The following ABCA13 variants were observed in gnomAD, a reference collection of about 807,000 sequenced individuals.
ABCA13 encodes ATP binding cassette subfamily A member 13.
Under a neutral mutation model 478.7 loss-of-function variants are expected in ABCA13, and 476 were observed. That is an observed-to-expected ratio of 0.99 (90% CI 0.92 to 1.07). The LOEUF is 1.07. Ranked by LOEUF, ABCA13 falls within the 50% of genes least tolerant of loss-of-function variation. The probability of loss-of-function intolerance (pLI) is 0.00; values close to 1 mark genes in which losing one functional copy is unlikely to be tolerated. For synonymous variants in ABCA13, 2,252 were observed against 2,158.9 expected (o/e 1.04, Z -1.20); for missense variants, 6,060 against 5,910.6 (o/e 1.03, Z -0.83).
At position 48,278,866 on chromosome 7, in the gene ABCA13, C is replaced by T. The variant is rs1306506692; in HGVS notation, c.7672C>T (p.Leu2558=). 16 of 1,613,456 alleles carry T rather than the reference C, an allele frequency of 9.9e-6. No homozygotes were observed. The highest frequency in any genetic ancestry group is 1.4e-5 in the Non-Finnish European group (16 of 1,179,856). ...TKDSVKFFDT[L]YSIMQQSVQN... ...GGACAGTGTGAAATTCTTTGACACT[C>T]TGTATTCCATCATGCAACAAAGTGT... The change falls in exon 18 of 62, where the codon CTG becomes TTG. Residue 2558 remains leucine (L), a synonymous_variant. Transcript: ENST00000435803.
At chr7:48,446,398 A>G (rs968053908) in intron 42 of ABCA13, among the ~76,000 whole-genome samples, 19 of 151,718 alleles carry the variant, frequency 1.3e-4, no homozygotes, top group Non-Finnish European at 2.2e-4. Context: ...AAAAAAAAAA[A>G]AAAAAAAGAA....
At chr7:48,572,704 A>G (rs956860611) in intron 55 of ABCA13, among the ~76,000 whole-genome samples, 5 of 152,146 alleles carry the variant, frequency 3.3e-5, no homozygotes, top group Admixed American at 6.5e-5. Context: ...TGTGAATTTT[A>G]CTTATTGTAA....
Position 48,489,254 on chromosome 7 carries a change from G to A in ABCA13, c.13201G>A (p.Gly4401Ser), listed in dbSNP as rs763237392. Residue 4401 changes from glycine (G) to serine (S), a missense_variant, in exon 48 of 62, where the codon GGT becomes AGT. Coordinates refer to ENST00000435803, the MANE Select transcript of ABCA13 (RefSeq NM_152701.5). ...TLAKVWYNQK[G>S]FHSLPSYLNH... ...TTTTTAGGTGTGGTATAATCAGAAG[G>A]GTTTTCATTCCCTACCTTCCTACTT... The A allele has an allele frequency of 3.1e-6, 5 of 1,611,468 alleles. No homozygotes were observed. In the South Asian group the frequency reaches 4.4e-5, roughly 14 times the overall value.
rs1203729096 is a variant in ABCA13 at position 48,477,736 on chromosome 7, G to T, written c.12976-3300G>T. On this transcript the variant is annotated intron_variant, in intron 45 of 61. Coordinates refer to ENST00000435803, the MANE Select transcript of ABCA13 (RefSeq NM_152701.5). ...AGGGGAACATCACACTCCGGGGACT[G>T]TTGTGGGGTGGGGGGAGGGGGGAGG... 2.6e-5 allele frequency among the ~76,000 whole-genome samples: 3 copies of T among 114,186 alleles called. No individual in the cohort carries two copies. The East Asian group carries it at 8.0e-4, about 31-fold the overall frequency. 74.9% of individuals were successfully genotyped at this position (114,186 alleles called of 152,430 possible).
At position 48,620,019 on chromosome 7, in the gene ABCA13, G is replaced by T. The variant is rs375874593; in HGVS notation, c.14837+4642G>T. Among the ~76,000 whole-genome samples the T allele has an allele frequency of 2.0e-5, 3 of 152,196 alleles. No individual in the cohort carries two copies. The South Asian group carries it at 6.2e-4, about 31-fold the overall frequency. On this transcript the variant is annotated intron_variant, in intron 59 of 61. Coordinates refer to ENST00000435803, the MANE Select transcript of ABCA13 (RefSeq NM_152701.5). ...AGCACTTGTTCTTACAGGAAGGACA[G>T]GAAGTGAAGTAGGAATCAGGAGGCA...
chr7:48,296,500 C>A (rs1464198379), intron 21 of ABCA13, among the ~76,000 whole-genome samples: 2 of 150,028 alleles, frequency 1.3e-5, no homozygotes, highest in Non-Finnish European at 3.0e-5. Flanking sequence ...CGCTCTGTTG[C>A]CCAGGCTGGA....
chr7:48,372,164 G>A lies in ABCA13; in HGVS notation c.10804-4G>A, dbSNP rs1317202768. 4 of 1,604,028 alleles carry A rather than the reference G, an allele frequency of 2.5e-6. No individual in the cohort carries two copies. Among genetic ancestry groups the A allele is most frequent in the Non-Finnish European group, 2.6e-6 (3 of 1,174,142 alleles). ...TAACCTTGGGTTTTTTCTCTTTTTG[G>A]TAGTATATGCGGATGATGGGAGTGC... is the stretch of plus-strand genomic sequence containing the variant. On this transcript the variant is annotated splice_polypyrimidine_tract_variant and splice_region_variant and intron_variant, in intron 32 of 61. Coordinates refer to ENST00000435803, the MANE Select transcript of ABCA13 (RefSeq NM_152701.5).
chr7:48,460,530 T>C (rs764581666), intron 43 of ABCA13, among the ~76,000 whole-genome samples: 12 of 152,194 alleles, frequency 7.9e-5, no homozygotes, highest in Non-Finnish European at 1.5e-4. Context: ...ACCGGTCATA[T>C]TGGATATGGT....
At chr7:48,624,554 CTT>C (rs1376316801) in intron 59 of ABCA13, among the ~76,000 whole-genome samples, 6 of 94,798 alleles carry the variant, frequency 6.3e-5, no homozygotes, top group Admixed American at 1.1e-4. Flanking sequence ...TTTCTTTTTT[CTT>C]TTTTTTTTTT....
intron 24 of ABCA13, 105 bp from the exon 25 acceptor site, chr7:48,312,962 G>A (rs1801990284): frequency 8.1e-7 from 1 of 1,235,458 alleles, no homozygotes; most frequent in Admixed American, 3.2e-5. Flanking sequence ...GTTCAAGAGA[G>A]AATAAAATCA....
intron 28 of ABCA13, among the ~76,000 whole-genome samples, chr7:48,337,489 A>G (rs1806446616): frequency 6.6e-6 from 1 of 152,258 alleles, no homozygotes; most frequent in South Asian, 2.1e-4. Context: ...TAATAAGGTG[A>G]ATGTGAGAAA....
intron 35 of ABCA13, among the ~76,000 whole-genome samples, chr7:48,382,557 T>C (rs1213912161): frequency 6.6e-6 from 1 of 152,226 alleles, no homozygotes; most frequent in Non-Finnish European, 1.5e-5. Context: ...TTGGGGGACA[T>C]ATTCATACTA....
At chr7:48,440,510 C>T (rs1823435093) in intron 42 of ABCA13, among the ~76,000 whole-genome samples, 1 of 152,078 alleles carries the variant, frequency 6.6e-6, no homozygotes, top group African/African-American at 2.4e-5. Context: ...TTTATTTAAA[C>T]TGGACATACA....
intron 56 of ABCA13, among the ~76,000 whole-genome samples, chr7:48,584,552 G>A (rs1000411691): frequency 2.0e-5 from 3 of 152,134 alleles, no homozygotes; most frequent in East Asian, 1.9e-4. Context: ...ATATGTGGGC[G>A]TGTGAGTGTA....
intron 16 of ABCA13, among the ~76,000 whole-genome samples, 179 bp from the exon 17 acceptor site, chr7:48,271,608 T>C (rs1162018199): frequency 6.6e-6 from 1 of 152,188 alleles, no homozygotes; most frequent in Non-Finnish European, 1.5e-5. Context: ...TATAACTTCA[T>C]TGTGCATTTC....
intron 5 of ABCA13, 72 bp from the exon 6 acceptor site, chr7:48,227,190 A>G: frequency 6.5e-7 from 1 of 1,546,922 alleles, no homozygotes; most frequent in South Asian, 1.1e-5. Context: ...CCTTTGTAGC[A>G]TCTGTCTGTC....
chr7:48,404,572 C>G (rs1187574343), intron 39 of ABCA13: 2 of 152,310 alleles, frequency 1.3e-5, no homozygotes, highest in Non-Finnish European at 2.9e-5. Context: ...TTTGCTTTTT[C>G]TTTTGCCTTT....
chr7:48,592,425 G>T (rs1789853747), intron 57 of ABCA13, among the ~76,000 whole-genome samples: 1 of 151,738 alleles, frequency 6.6e-6, no homozygotes, highest in African/African-American at 2.4e-5. Context: ...TCATACCATG[G>T]TGGTCTGAAA....
intron 43 of ABCA13, among the ~76,000 whole-genome samples, chr7:48,466,665 G>A (rs1489690150): frequency 3.3e-5 from 5 of 152,104 alleles, no homozygotes; most frequent in Admixed American, 3.3e-4. Flanking sequence ...GTGAAAAATG[G>A]TGGTGTTATA....
Sources: allele counts gnomAD v4.1 joint callset (sites outside exome capture counted in the v4.1 genomes callset), GRCh38; gene constraint gnomAD v4.1.1; transcripts MANE v1.5; gene names NCBI Gene and HGNC (gene_info 2026-07-23, HGNC 2026-07-21).